PCDHGA12: variants seen among roughly 807,000 people sequenced by gnomAD.
PCDHGA12 encodes the protein protocadherin gamma-A12.
Under a neutral mutation model 61.1 loss-of-function variants are expected in PCDHGA12, and 43 were observed. That is an observed-to-expected ratio of 0.70 (90% CI 0.55 to 0.91). The LOEUF (loss-of-function observed/expected upper bound fraction) is 0.91. Ranked by LOEUF, PCDHGA12 falls within the 40% of genes least tolerant of loss-of-function variation. The pLI is 0.00. For synonymous variants in PCDHGA12, 520 were observed against 542.9 expected, an observed-to-expected ratio of 0.96 and a Z score of 0.59; for missense variants, 1,236 against 1,227.7, an observed-to-expected ratio of 1.01 and a Z score of -0.10.
At chr5:141,507,531 C>T (rs1467914007) in intron 3 of PCDHGA12, among the ~76,000 whole-genome samples, 3 of 151,964 alleles carry the variant, frequency 2.0e-5, no homozygotes, top group African/African-American at 7.2e-5. Flanking sequence ...CCAGAGAGGC[C>T]AGAGACTGAG....
chr5:141,450,733 C>T (rs886761152), intron 1 of PCDHGA12, among the ~76,000 whole-genome samples: 24 of 152,198 alleles, frequency 1.6e-4, no homozygotes, highest in African/African-American at 5.3e-4. Context: ...GTGATCCGCC[C>T]GCCTTGGCCT....
At chr5:141,469,610 AAAAT>A (rs1360697662) in intron 1 of PCDHGA12, among the ~76,000 whole-genome samples, 1 of 152,194 alleles carries the variant, frequency 6.6e-6, no homozygotes, top group Non-Finnish European at 1.5e-5. Context: ...TAAGTAAAAT[AAAAT>A]AAATGTTTGT....
chr5:141,490,715 C>G lies in PCDHGA12; in HGVS notation c.2425-4092C>G, dbSNP rs757619272. The stretch of plus-strand genomic sequence containing the variant: ...GGGGATAATGCCCGCCTCACCTACT[C>G]CATTGTAGGAAATCAGGTTCAGGGA... On this transcript the variant is annotated intron_variant, in intron 1 of 3. Coordinates refer to ENST00000252085, the MANE Select transcript of PCDHGA12 (RefSeq NM_003735.3). This position sits in a 1 kb window ranked among gnomAD's most constrained non-coding sequence, Gnocchi z 5.4. 14 of 1,614,130 alleles carry G rather than the reference C, an allele frequency of 8.7e-6. No individual in the cohort carries two copies. Among genetic ancestry groups the G allele is most frequent in the Non-Finnish European group, 1.1e-5 (13 of 1,179,978 alleles).
At chr5:141,452,119 TTCATATATGGC>T (rs1472213897) in intron 1 of PCDHGA12, among the ~76,000 whole-genome samples, 3 of 152,250 alleles carry the variant, frequency 2.0e-5, no homozygotes, top group African/African-American at 7.2e-5. Flanking sequence ...TTCTTATTTA[TTCATATATGGC>T]TCATGTGTTT....
intron 1 of PCDHGA12, among the ~76,000 whole-genome samples, chr5:141,438,585 TACATAC>T (rs201018754): frequency 0.16 from 9,805 of 59,734 alleles, 612 homozygotes; most frequent in African/African-American, 0.28. Context: ...CATACATACA[TACATAC>T]ATATATATAT....
In PCDHGA12 at chr5:141,490,453, T is replaced by C; in HGVS notation, c.2425-4354T>C. 6.2e-7 allele frequency: 1 copy of C among 1,614,178 alleles called. No homozygotes were observed. Among genetic ancestry groups the C allele is most frequent in the Non-Finnish European group, 8.5e-7 (1 of 1,180,042 alleles). ...GATTAAGCCTTCTGAGAACCACTAC[T>C]CGCTGCTAACCAGCCAGCCTTTGGA... On this transcript the variant is annotated intron_variant, in intron 1 of 3. Coordinates refer to ENST00000252085, the MANE Select transcript of PCDHGA12 (RefSeq NM_003735.3). This position sits in a 1 kb window ranked among gnomAD's most constrained non-coding sequence, Gnocchi z 5.4.
chr5:141,439,176 T>C (rs1044289122), intron 1 of PCDHGA12, among the ~76,000 whole-genome samples: 3 of 146,068 alleles, frequency 2.1e-5, no homozygotes, highest in African/African-American at 7.8e-5. Context: ...CTGGGCGACA[T>C]AGTGAGACTC....
intron 1 of PCDHGA12, among the ~76,000 whole-genome samples, chr5:141,471,992 C>T (rs2099268578): frequency 6.6e-6 from 1 of 152,070 alleles, no homozygotes; most frequent in Non-Finnish European, 1.5e-5. Flanking sequence ...TATTAAAAAT[C>T]CCTGCATCGT....
At position 141,491,101 on chromosome 5, in the gene PCDHGA12, G is replaced by A. The variant is rs1270788252; in HGVS notation, c.2425-3706G>A. Reference sequence around the variant, plus strand: ...GTCCACAGCCCCAGGACTGTTCCTCGTGTCTACACACACTGGTGAGGTGCG... The same window carrying A: ...GTCCACAGCCCCAGGACTGTTCCTCATGTCTACACACACTGGTGAGGTGCG... On this transcript the variant is annotated intron_variant, in intron 1 of 3. Transcript: ENST00000252085. This position sits in a 1 kb window ranked among gnomAD's most constrained non-coding sequence, Gnocchi z 6.9. The A allele has an allele frequency of 8.1e-6, 13 of 1,614,102 alleles. No individual in the cohort carries two copies. In the East Asian group the frequency reaches 1.6e-4, roughly 19 times the overall value.
chr5:141,440,980 C>T (rs972732898), intron 1 of PCDHGA12: 1 of 152,242 alleles, frequency 6.6e-6, no homozygotes. Context: ...GCTTCACAAC[C>T]CAGAGTACCC....
chr5:141,450,755 G>A (rs556795021), intron 1 of PCDHGA12, among the ~76,000 whole-genome samples: 8 of 152,040 alleles, frequency 5.3e-5, no homozygotes, highest in Admixed American at 1.3e-4. Context: ...CCAAAGTGCC[G>A]GGATTACAGG....
chr5:141,432,960 G>C lies in PCDHGA12; in HGVS notation c.2201G>C (p.Gly734Ala). ...CAGGCTTCAGGAGGCGGCTTGACAG[G>C]AGCGCCGGCGTCGCACTTTGTGGGC... ...LLQASGGGLTGAPASHFVGVD... is the reference protein window; with the variant it reads ...LLQASGGGLTAAPASHFVGVD... Residue 734 changes from glycine (G) to alanine (A), a missense_variant, in exon 1 of 4, where the codon GGA (glycine) becomes GCA (alanine). Transcript: ENST00000252085. This position sits in a 1 kb window ranked among gnomAD's most constrained non-coding sequence, Gnocchi z 6.0. The C allele has an allele frequency of 2.5e-6, 4 of 1,614,188 alleles. No homozygotes were observed. The highest frequency in any genetic ancestry group is 3.4e-6 in the Non-Finnish European group (4 of 1,180,034).
At chr5:141,435,334 T>C (rs1223377462) in intron 1 of PCDHGA12, among the ~76,000 whole-genome samples, 1 of 152,196 alleles carries the variant, frequency 6.6e-6, no homozygotes, top group East Asian at 1.9e-4. Context: ...ATATAGTGAA[T>C]TTATTTCTTC....
Position 141,431,948 on chromosome 5 carries a change from T to G in PCDHGA12, c.1189T>G (p.Ser397Ala). ...AAATCTGCCCTTTAAATTAGAAAAA[T>G]CTTACGGAAATTACTATAGTTTAGT... is the stretch of plus-strand genomic sequence containing the variant. The part of the protein sequence containing the change: ...QGNLPFKLEK[S>A]YGNYYSLVTD... Residue 397 changes from serine to alanine, a missense_variant, in exon 1 of 4, where the codon TCT becomes GCT. Physicochemically the swap from Ser to Ala is moderately conservative, Grantham distance 99 (BLOSUM62 1). Transcript: ENST00000252085. The surrounding 1 kb of genome is among the most constrained non-coding windows in gnomAD (Gnocchi z 4.8). The G allele has an allele frequency of 6.2e-7, 1 of 1,614,076 alleles. No homozygotes were observed. The highest frequency in any genetic ancestry group is 8.5e-7 in the Non-Finnish European group (1 of 1,180,006).
chr5:141,502,373 C>A (rs2099813965), intron 2 of PCDHGA12, among the ~76,000 whole-genome samples: 1 of 151,806 alleles, frequency 6.6e-6, no homozygotes, highest in African/African-American at 2.4e-5. Context: ...TTAAAGAGTC[C>A]AGGCCAGTTG....
rs141605264 is a variant in PCDHGA12, at chr5:141,479,755, A to C, written c.2425-15052A>C. The C allele has an allele frequency of 2.6e-3, 390 of 152,364 alleles. 2 individuals are homozygous for C. The highest frequency in any genetic ancestry group is 9.1e-3 in the African/African-American group (378 of 41,580). 9.4% of individuals were successfully genotyped at this position (152,364 alleles called of 1,614,324 possible). On this transcript the variant is annotated intron_variant, in intron 1 of 3. Coordinates refer to ENST00000252085, the MANE Select transcript of PCDHGA12 (RefSeq NM_003735.3). ...AGTATATGCACAATGTGAAAGGTAG[A>C]TAAATTCATATCCTTAGACAGGTAA...
At position 141,490,870 on chromosome 5, in the gene PCDHGA12, T is replaced by C; in HGVS notation, c.2425-3937T>C. Reference sequence around the variant, plus strand: ...GGTTCGAGACTCCGGCTCTCCCCCATTGCATGCCAACACATCTCTGCATGT... The same window carrying C: ...GGTTCGAGACTCCGGCTCTCCCCCACTGCATGCCAACACATCTCTGCATGT... On this transcript the variant is annotated intron_variant, in intron 1 of 3. Coordinates refer to ENST00000252085, the MANE Select transcript of PCDHGA12 (RefSeq NM_003735.3). The surrounding 1 kb of genome is among the most constrained non-coding windows in gnomAD (Gnocchi z 5.4). 6.2e-7 allele frequency: 1 copy of C among 1,613,888 alleles called. No homozygotes were observed. Among genetic ancestry groups the C allele is most frequent in the Non-Finnish European group, 8.5e-7 (1 of 1,179,932 alleles).
chr5:141,505,267 A>G (rs2099845018), intron 2 of PCDHGA12, 126 bp from the exon 3 acceptor site: 1 of 1,514,640 alleles, frequency 6.6e-7, no homozygotes, highest in Admixed American at 2.0e-5. Flanking sequence ...TACCTTGCTG[A>G]GAGAAACAGG....
intron 2 of PCDHGA12, among the ~76,000 whole-genome samples, chr5:141,495,700 T>A (rs2099763052): frequency 6.6e-6 from 1 of 152,228 alleles, no homozygotes; most frequent in Non-Finnish European, 1.5e-5. Flanking sequence ...GCTCAATAAA[T>A]GTGGAGTGAG....
Sources: allele counts gnomAD v4.1 joint callset (sites outside exome capture counted in the v4.1 genomes callset), GRCh38; gene constraint gnomAD v4.1.1; non-coding constraint Gnocchi (gnomAD v3.1); transcripts MANE v1.5; gene names NCBI Gene and HGNC (gene_info 2026-07-23, HGNC 2026-07-21).